The following HIVEP1 variants were observed in gnomAD, a reference collection of about 807,000 sequenced individuals.
HIVEP1 encodes the protein HIVEP zinc finger 1, also known as zinc finger protein 40.
HIVEP1 carries 36 observed loss-of-function variants against 180.0 expected under a neutral mutation model. The observed-to-expected ratio is 0.20, with a 90% CI of 0.15 to 0.26. The LOEUF is 0.26. HIVEP1 is among the 10% of genes least tolerant of loss of function. The probability of loss-of-function intolerance (pLI) is 1.00; values close to 1 mark genes in which losing one functional copy is unlikely to be tolerated. For synonymous variants in HIVEP1, 1,239 were observed against 1,239.0 expected, an observed-to-expected ratio of 1.00 and a Z score of 0.00; for missense variants, 3,143 against 3,268.7, an observed-to-expected ratio of 0.96 and a Z score of 0.94.
rs139027654 is a variant in HIVEP1 at position 12,046,275 on chromosome 6, A to G, written c.40+30607A>G. ...CATATGGTAATATTTTGTCTGTGTTATTAGGGATAATGGCCAACATTTATT... is the reference window on the plus strand; with the variant it reads ...CATATGGTAATATTTTGTCTGTGTTGTTAGGGATAATGGCCAACATTTATT... On this transcript the variant is annotated intron_variant, in intron 2 of 8. Coordinates refer to ENST00000379388, the MANE Select transcript of HIVEP1 (RefSeq NM_002114.4). Among the ~76,000 whole-genome samples the G allele has an allele frequency of 3.4e-3, 520 of 152,308 alleles. 2 individuals are homozygous for G. Among genetic ancestry groups the G allele is most frequent in the African/African-American group, 0.012 (493 of 41,570 alleles).
chr6:12,076,214 A>C, intron 2 of HIVEP1, among the ~76,000 whole-genome samples: 1 of 152,218 alleles, frequency 6.6e-6, no homozygotes, highest in East Asian at 1.9e-4. Flanking sequence ...TTTCAATATC[A>C]GATTATATTT....
intron 2 of HIVEP1, among the ~76,000 whole-genome samples, chr6:12,019,750 A>G (rs1339115553): frequency 6.6e-6 from 1 of 152,204 alleles, no homozygotes; most frequent in Non-Finnish European, 1.5e-5. Flanking sequence ...CTTAGAATGT[A>G]ATCTTTCTTT....
intron 2 of HIVEP1, among the ~76,000 whole-genome samples, chr6:12,053,658 A>AG (rs1358605589): frequency 6.6e-6 from 1 of 152,102 alleles, no homozygotes; most frequent in African/African-American, 2.4e-5. Context: ...GAGGTGGGAT[A>AG]GGGGGATGCT....
At chr6:12,012,235 C>A (rs1767381091), upstream of HIVEP1, 1 of 140,020 alleles carries the variant, frequency 7.1e-6, no homozygotes, top group Non-Finnish European at 1.6e-5. Context: ...GCGGCCCCCG[C>A]CCGCGCGCCC....
In HIVEP1 at chr6:12,099,183, G is replaced by GGTTTTTTTTTTTTTTTTTTTTTTTT. The variant is rs373744044; in HGVS notation, c.94+9946_94+9947insGTTTTTTTTTTTTTTTTTTTTTTTT. 8.5e-4 allele frequency among the ~76,000 whole-genome samples: 118 copies of GGTTTTTTTTTTTTTTTTTTTTTTTT among 138,424 alleles called. 2 individuals carry two copies. The highest frequency in any genetic ancestry group is 3.0e-3 in the African/African-American group (111 of 36,542). The allele number at this position is 138,424 out of a possible 152,430, so 90.8% of individuals were successfully genotyped here. A position where few individuals can be genotyped will look rare whatever the true frequency, so the allele number is the denominator to read the frequency against. On this transcript the variant is annotated intron_variant, in intron 3 of 8. Transcript: ENST00000379388. Reference sequence around the variant, plus strand: ...AGGAGCCAGAGGGAAATGTCACTGAGTTTTTTTTTTTTTTTTGAGACGGAG... The same window carrying GGTTTTTTTTTTTTTTTTTTTTTTTT: ...AGGAGCCAGAGGGAAATGTCACTGAGGTTTTTTTTTTTTTTTTTTTTTTTTTTTTTTTTTTTTTTTTGAGACGGAG...
At chr6:12,104,906 T>TA (rs550373078) in intron 3 of HIVEP1, among the ~76,000 whole-genome samples, 42 of 152,358 alleles carry the variant, frequency 2.8e-4, no homozygotes, top group Non-Finnish European at 4.7e-4. Flanking sequence ...ACATTTATTT[T>TA]AAAGTCTTTG....
downstream of HIVEP1, among the ~76,000 whole-genome samples, chr6:12,165,696 C>G (rs1395219583): frequency 6.6e-6 from 1 of 152,198 alleles, no homozygotes; most frequent in African/African-American, 2.4e-5. Context: ...AATTTAAATA[C>G]TTAGCACATC....
chr6:12,181,552 A>T, the HIVEP1 span, among the ~76,000 whole-genome samples: 2 of 151,734 alleles, frequency 1.3e-5, no homozygotes, highest in Non-Finnish European at 2.9e-5. Context: ...CTGGGACTAC[A>T]GGCGCATGCC....
intron 2 of HIVEP1, among the ~76,000 whole-genome samples, chr6:12,088,457 T>C (rs1162306645): frequency 1.3e-5 from 2 of 152,116 alleles, no homozygotes; most frequent in African/African-American, 2.4e-5. Context: ...TTTAAATTAA[T>C]TATTATTGAA....
At chr6:12,013,548 A>G (rs1338693028) in intron 1 of HIVEP1, among the ~76,000 whole-genome samples, 1 of 152,202 alleles carries the variant, frequency 6.6e-6, no homozygotes, top group African/African-American at 2.4e-5. Flanking sequence ...TTTTACATTT[A>G]TGCTCCGGAT....
At chr6:12,130,046 C>A in intron 5 of HIVEP1, 154 bp downstream of exon 5, 1 of 612,050 alleles carries the variant, frequency 1.6e-6, no homozygotes, top group Non-Finnish European at 2.9e-6. Flanking sequence ...AATATGTTAA[C>A]ATTATGTTAA....
rs1426347391 is a variant in HIVEP1 at position 12,118,516 on chromosome 6, C to T, written c.95-1374C>T. 2.0e-5 allele frequency among the ~76,000 whole-genome samples: 3 copies of T among 152,278 alleles called. No individual in the cohort carries two copies. The East Asian group carries it at 5.8e-4, about 29-fold the overall frequency. On this transcript the variant is annotated intron_variant, in intron 3 of 8. Transcript: ENST00000379388. ...AGTTGATAGATTGTGGGCACTGTCACTTAAATACTGATTTATTTCCAACAC... is the reference window on the plus strand; with the variant it reads ...AGTTGATAGATTGTGGGCACTGTCATTTAAATACTGATTTATTTCCAACAC...
At chr6:12,141,508 A>T (rs1759027745) in intron 7 of HIVEP1, among the ~76,000 whole-genome samples, 1 of 151,948 alleles carries the variant, frequency 6.6e-6, no homozygotes, top group African/African-American at 2.4e-5. Context: ...GATCAAATTC[A>T]CACATAACAA....
intron 2 of HIVEP1, among the ~76,000 whole-genome samples, chr6:12,045,024 C>T (rs1435595479): frequency 6.6e-6 from 1 of 152,220 alleles, no homozygotes. Context: ...TTTTCTGGTT[C>T]TAGGGCTTCT....
chr6:12,107,381 C>T (rs1774499905), intron 3 of HIVEP1, among the ~76,000 whole-genome samples: 1 of 152,176 alleles, frequency 6.6e-6, no homozygotes, highest in South Asian at 2.1e-4. Context: ...CAGTCATAAT[C>T]TTTTTGCTGG....
At chr6:12,206,310 A>AT in the HIVEP1 span, among the ~76,000 whole-genome samples, 15 of 151,752 alleles carry the variant, frequency 9.9e-5, no homozygotes, top group East Asian at 2.9e-3. Context: ...ATTTTTTTGT[A>AT]TTTTAGTAGA....
chr6:12,075,022 A>C (rs928731939), intron 2 of HIVEP1, among the ~76,000 whole-genome samples: 3 of 152,244 alleles, frequency 2.0e-5, no homozygotes, highest in Non-Finnish European at 2.9e-5. Flanking sequence ...CAAGTTAATT[A>C]GTTCAAACAG....
chr6:12,028,268 T>G (rs1768715232), intron 2 of HIVEP1, among the ~76,000 whole-genome samples: 2 of 152,242 alleles, frequency 1.3e-5, no homozygotes, highest in Non-Finnish European at 2.9e-5. Flanking sequence ...GGCCCGGCTC[T>G]GAGGTGTTGG....
At chr6:12,170,273 C>T in the HIVEP1 span, among the ~76,000 whole-genome samples, 5 of 150,940 alleles carry the variant, frequency 3.3e-5, no homozygotes, top group East Asian at 1.9e-4. Context: ...AGCAGGAGTG[C>T]GAATGAAGGA....
Sources: allele counts gnomAD v4.1 joint callset (sites outside exome capture counted in the v4.1 genomes callset), GRCh38; gene constraint gnomAD v4.1.1; transcripts MANE v1.5; gene names NCBI Gene and HGNC (gene_info 2026-07-23, HGNC 2026-07-21).